The following CLXN variants were observed in gnomAD, a reference collection of about 807,000 sequenced individuals.
CLXN encodes the protein EF-hand calcium binding domain 1.
At chr8:48,713,758 G>C in the CLXN span, 1 of 152,166 alleles carries the variant, frequency 6.6e-6, no homozygotes, top group Non-Finnish European at 1.5e-5. Flanking sequence ...TGATTTTATG[G>C]TGCAAGCAAT....
the CLXN span, among the ~76,000 whole-genome samples, chr8:48,726,260 C>CATCT: frequency 2.1e-5 from 3 of 140,670 alleles, no homozygotes; most frequent in South Asian, 2.3e-4. Flanking sequence ...AACCATCCAT[C>CATCT]ATCTATCTAT....
chr8:48,729,247 G>A, the CLXN span: 2 of 968,786 alleles, frequency 2.1e-6, no homozygotes, highest in Admixed American at 2.4e-5. Context: ...GTGCTAGGCT[G>A]GGGATGGTGG....
chr8:48,715,711 G>T, the CLXN span: 6 of 152,250 alleles, frequency 3.9e-5, no homozygotes, highest in African/African-American at 1.4e-4. Flanking sequence ...AGCCAGAGCT[G>T]TCACACCCCA....
chr8:48,724,893 A>G, the CLXN span: 1 of 1,037,220 alleles, frequency 9.6e-7, no homozygotes, highest in South Asian at 1.6e-5. Context: ...TAGAGACAGG[A>G]TAACTGAGGG....
the CLXN span, among the ~76,000 whole-genome samples, chr8:48,717,264 G>T: frequency 6.6e-6 from 1 of 152,180 alleles, no homozygotes; most frequent in Non-Finnish European, 1.5e-5. Context: ...CAAGAATAAA[G>T]AGCATTTTGA....
At chr8:48,712,761 G>C in the CLXN span, among the ~76,000 whole-genome samples, 1 of 152,136 alleles carries the variant, frequency 6.6e-6, no homozygotes, top group Non-Finnish European at 1.5e-5. Context: ...AGCACATTGG[G>C]AGGCTGAGGA....
the CLXN span, among the ~76,000 whole-genome samples, chr8:48,731,725 C>T: frequency 3.4e-3 from 513 of 151,938 alleles, 1 homozygote; most frequent in Middle Eastern, 6.8e-3. Context: ...GAAAAAAATA[C>T]GATAGTATTA....
At chr8:48,717,295 C>T in the CLXN span, among the ~76,000 whole-genome samples, 1 of 152,170 alleles carries the variant, frequency 6.6e-6, no homozygotes, top group Admixed American at 6.5e-5. Flanking sequence ...AGAAAGGTGA[C>T]ATCATATGTA....
chr8:48,717,133 C>T, the CLXN span, among the ~76,000 whole-genome samples: 1 of 152,090 alleles, frequency 6.6e-6, no homozygotes, highest in Admixed American at 6.5e-5. Flanking sequence ...CCATTGCACT[C>T]CAGCTTGGGC....
chr8:48,730,294 G>A, the CLXN span, among the ~76,000 whole-genome samples: 7 of 152,308 alleles, frequency 4.6e-5, no homozygotes, highest in South Asian at 2.1e-4. Flanking sequence ...AGCATATGTA[G>A]TAATGCCTAT....
chr8:48,730,515 C>A, the CLXN span: 1 of 1,478,996 alleles, frequency 6.8e-7, no homozygotes, highest in Non-Finnish European at 9.4e-7. Flanking sequence ...AATGTACGAA[C>A]CAATAGGACA....
the CLXN span, among the ~76,000 whole-genome samples, chr8:48,727,505 G>C: frequency 6.6e-6 from 1 of 152,166 alleles, no homozygotes; most frequent in African/African-American, 2.4e-5. Context: ...GATGAAGTGA[G>C]AAAATGAGGC....
the CLXN span, among the ~76,000 whole-genome samples, chr8:48,726,484 T>TCATCCATCCATCCATC: frequency 1.4e-3 from 149 of 105,354 alleles, 1 homozygote; most frequent in African/African-American, 5.5e-3. Flanking sequence ...ATCCATCCAT[T>TCATCCATCCATCCATC]CATCCATCCA....
the CLXN span, among the ~76,000 whole-genome samples, chr8:48,713,228 C>T: frequency 6.6e-6 from 1 of 152,122 alleles, no homozygotes; most frequent in Admixed American, 6.6e-5. Context: ...GAAATATTAC[C>T]AAACCATCCT....
the CLXN span, among the ~76,000 whole-genome samples, chr8:48,717,201 G>C: frequency 2.0e-5 from 3 of 152,050 alleles, no homozygotes; most frequent in Admixed American, 2.0e-4. Context: ...CTAAAATAGG[G>C]TCAACCCCAA....
At chr8:48,730,627 T>C in the CLXN span, 9 of 1,609,808 alleles carry the variant, frequency 5.6e-6, no homozygotes, top group Admixed American at 1.5e-4. Context: ...TCATTATCTT[T>C]ATCAAAACCT....
chr8:48,720,111 T>G, the CLXN span, among the ~76,000 whole-genome samples: 1 of 152,266 alleles, frequency 6.6e-6, no homozygotes, highest in African/African-American at 2.4e-5. Flanking sequence ...AAGCTGAAGA[T>G]GTACGTCACC....
At chr8:48,735,286 T>C in the CLXN span, 1 of 998,036 alleles carries the variant, frequency 1.0e-6, no homozygotes, top group African/African-American at 1.6e-5. Flanking sequence ...TGCGCGGCCC[T>C]AACAGACGGT....
the CLXN span, chr8:48,735,215 G>A: frequency 6.3e-7 from 1 of 1,591,158 alleles, no homozygotes; most frequent in Non-Finnish European, 8.6e-7. Context: ...CGAGACCCTC[G>A]CGGGACCCCC....
Sources: gnomAD v4.1 joint callset for allele counts (sites outside exome capture counted in the v4.1 genomes callset) on GRCh38, gnomAD v4.1.1 for gene constraint, MANE v1.5 for transcripts, NCBI Gene and HGNC (gene_info 2026-07-23, HGNC 2026-07-21) for gene names.